Variants in OPCML observed in about 807,000 individuals in gnomAD.
OPCML encodes opioid binding protein/cell adhesion molecule like, also known as opioid-binding protein/cell adhesion molecule.
OPCML carries 13 observed loss-of-function variants against 37.8 expected under a neutral mutation model. That is an observed-to-expected ratio of 0.34 (90% CI 0.22 to 0.55). OPCML has a LOEUF of 0.55. Ranked by LOEUF, OPCML falls within the 20% of genes least tolerant of loss-of-function variation. The probability of loss-of-function intolerance (pLI) is 0.91; values close to 1 mark genes in which losing one functional copy is unlikely to be tolerated. For missense variants in OPCML, 341 were observed against 435.6 expected (o/e 0.78, Z 1.93); for synonymous variants, 176 against 168.8 (o/e 1.04, Z -0.33).
chr11:132,550,351 C>T (rs1224672162), intron 3 of OPCML, among the ~76,000 whole-genome samples: 1 of 152,100 alleles, frequency 6.6e-6, no homozygotes, highest in Non-Finnish European at 1.5e-5. Flanking sequence ...TAGCGCCATT[C>T]CCTCGGTGCT....
In OPCML at chr11:133,208,957, A is replaced by G. The variant is rs1180420157; in HGVS notation, c.62-265947T>C. On this transcript the variant is annotated intron_variant, in intron 1 of 7. Transcript: ENST00000524381. This position sits in a 1 kb window ranked among gnomAD's most constrained non-coding sequence, Gnocchi z 8.9. ...AAGACATACTTACATGGAAACAACA[A>G]TAATAAAAAAATTACCTGAAATGCT... Among the ~76,000 whole-genome samples the G allele has an allele frequency of 6.6e-6, 1 of 152,210 alleles. No individual in the cohort carries two copies. Among genetic ancestry groups the G allele is most frequent in the Non-Finnish European group, 1.5e-5 (1 of 68,034 alleles).
intron 2 of OPCML, among the ~76,000 whole-genome samples, chr11:132,737,871 A>G (rs888361925): frequency 2.8e-4 from 43 of 152,234 alleles, no homozygotes; most frequent in African/African-American, 1.0e-3. Flanking sequence ...CCAGAGATCA[A>G]AAGTGGAAAC....
chr11:132,926,659 G>A (rs890622111), intron 2 of OPCML, among the ~76,000 whole-genome samples: 1 of 151,724 alleles, frequency 6.6e-6, no homozygotes, highest in Admixed American at 6.6e-5. Flanking sequence ...TCAACATAAT[G>A]TCACTAGGCA....
At chr11:133,068,691 G>GT (rs1246570967) in intron 1 of OPCML, among the ~76,000 whole-genome samples, 1 of 152,206 alleles carries the variant, frequency 6.6e-6, no homozygotes, top group Non-Finnish European at 1.5e-5. Flanking sequence ...CATAAATGCT[G>GT]GAGATATTTT....
chr11:132,494,845 C>T (rs1433824909), intron 4 of OPCML, among the ~76,000 whole-genome samples: 1 of 152,168 alleles, frequency 6.6e-6, no homozygotes, highest in Non-Finnish European at 1.5e-5. Context: ...AACATGACAC[C>T]TGTAACTCTT....
At chr11:132,663,933 C>T (rs934141918) in intron 2 of OPCML, among the ~76,000 whole-genome samples, 1 of 152,062 alleles carries the variant, frequency 6.6e-6, no homozygotes, top group Admixed American at 6.6e-5. Context: ...CCCGGGTTCA[C>T]GCCATTCTCC....
chr11:133,128,763 T>C (rs1396602169), intron 1 of OPCML, among the ~76,000 whole-genome samples: 1 of 152,042 alleles, frequency 6.6e-6, no homozygotes, highest in Non-Finnish European at 1.5e-5. Flanking sequence ...TACAACGAGC[T>C]TTTCATTGAC....
chr11:133,072,979 G>A (rs932080180), intron 1 of OPCML, among the ~76,000 whole-genome samples: 5 of 152,216 alleles, frequency 3.3e-5, no homozygotes, highest in East Asian at 1.9e-4. Context: ...AGAAAGGGAC[G>A]GTGAAACCTG....
intron 1 of OPCML, among the ~76,000 whole-genome samples, chr11:133,254,636 G>A (rs1461494341): frequency 1.3e-5 from 2 of 152,204 alleles, no homozygotes; most frequent in Non-Finnish European, 2.9e-5. Flanking sequence ...TATAGCAGAT[G>A]TCTTTGTAGA....
At chr11:132,620,313 C>A (rs547844633) in intron 3 of OPCML, among the ~76,000 whole-genome samples, 1 of 152,196 alleles carries the variant, frequency 6.6e-6, no homozygotes, top group Non-Finnish European at 1.5e-5. Context: ...CTTTCTCAGT[C>A]CAATATCCCA....
At chr11:133,074,872 T>C (rs1400341973) in intron 1 of OPCML, among the ~76,000 whole-genome samples, 1 of 152,102 alleles carries the variant, frequency 6.6e-6, no homozygotes, top group Non-Finnish European at 1.5e-5. Flanking sequence ...CAGCCCCATT[T>C]CAAAAGTTGC....
At chr11:133,299,983 T>C (rs902035219) in intron 1 of OPCML, 1 of 152,232 alleles carries the variant, frequency 6.6e-6, no homozygotes, top group African/African-American at 2.4e-5. Context: ...CTCCCTGTGC[T>C]AATTAAATTC....
intron 1 of OPCML, among the ~76,000 whole-genome samples, chr11:133,184,436 G>A (rs1722211946): frequency 1.3e-5 from 2 of 152,174 alleles, no homozygotes. Context: ...GCTGGCATGG[G>A]ATGGGGAAGG....
intron 2 of OPCML, among the ~76,000 whole-genome samples, chr11:132,673,143 A>T (rs1267285123): frequency 6.6e-6 from 1 of 152,172 alleles, no homozygotes; most frequent in African/African-American, 2.4e-5. Context: ...GCCCCAAATG[A>T]GGTCTGGCAC....
chr11:133,255,559 G>A (rs998959028), intron 1 of OPCML, among the ~76,000 whole-genome samples: 5 of 152,102 alleles, frequency 3.3e-5, no homozygotes, highest in African/African-American at 1.2e-4. Context: ...TTTGGATTGG[G>A]GGATTGCAAA....
At chr11:133,252,323 A>T (rs1388598387) in intron 1 of OPCML, among the ~76,000 whole-genome samples, 5 of 152,226 alleles carry the variant, frequency 3.3e-5, no homozygotes. Context: ...CAGGTAAGGT[A>T]TCATCTTATT....
intron 1 of OPCML, among the ~76,000 whole-genome samples, chr11:132,959,333 G>T (rs986905984): frequency 6.6e-6 from 1 of 152,216 alleles, no homozygotes; most frequent in Non-Finnish European, 1.5e-5. Flanking sequence ...GATGAGCAAA[G>T]GAAGTGGTTT....
chr11:132,923,850 G>C (rs770702592), intron 2 of OPCML, among the ~76,000 whole-genome samples: 1 of 125,038 alleles, frequency 8.0e-6, no homozygotes, highest in Admixed American at 1.0e-4. Context: ...CGCAACCCCC[G>C]CCTCCCAGGT....
At chr11:132,506,941 T>C (rs2096258341) in intron 4 of OPCML, among the ~76,000 whole-genome samples, 1 of 151,950 alleles carries the variant, frequency 6.6e-6, no homozygotes, top group Admixed American at 6.6e-5. Flanking sequence ...AAAAAAAAGA[T>C]AACAGAATAT....
Sources: gnomAD v4.1 joint callset for allele counts (sites outside exome capture counted in the v4.1 genomes callset) on GRCh38, gnomAD v4.1.1 for gene constraint, Gnocchi (gnomAD v3.1) non-coding constraint, MANE v1.5 for transcripts, NCBI Gene and HGNC (gene_info 2026-07-23, HGNC 2026-07-21) for gene names.